Variants in FAM184A observed in about 807,000 individuals in gnomAD.
The protein encoded by FAM184A is family with sequence similarity 184 member A.
FAM184A carries 99 observed loss-of-function variants against 143.8 expected under a neutral mutation model. That is an observed-to-expected ratio of 0.69 (90% CI 0.58 to 0.81). The LOEUF (loss-of-function observed/expected upper bound fraction) is 0.81. Among genes scored for constraint, FAM184A ranks in the 40% least tolerant of loss-of-function variants. FAM184A has a pLI of 0.00. For missense variants in FAM184A, 1,217 were observed against 1,310.5 expected (o/e 0.93, Z 1.10); for synonymous variants, 427 against 446.4 (o/e 0.96, Z 0.55).
chr6:119,063,359 C>G (rs904071025), intron 1 of FAM184A, among the ~76,000 whole-genome samples: 11 of 152,128 alleles, frequency 7.2e-5, no homozygotes, highest in African/African-American at 2.7e-4. Flanking sequence ...ACGATATATT[C>G]CATATTATTA....
At position 119,036,446 on chromosome 6, in the gene FAM184A, C is replaced by T. The variant is rs1036725976; in HGVS notation, c.160-11633G>A. On this transcript the variant is annotated intron_variant, in intron 1 of 17. Coordinates refer to ENST00000338891, the MANE Select transcript of FAM184A (RefSeq NM_024581.6). The stretch of plus-strand genomic sequence containing the variant: ...GGAAATTGTCTTTAAAGATATATTT[C>T]CTCGCTGTATGATTCTATAATTATT... 3.9e-5 allele frequency among the ~76,000 whole-genome samples: 6 copies of T among 152,136 alleles called. No individual in the cohort carries two copies. In the South Asian group the frequency reaches 1.2e-3, roughly 32 times the overall value.
intron 1 of FAM184A, among the ~76,000 whole-genome samples, chr6:119,136,492 G>T (rs1789670639): frequency 6.6e-6 from 1 of 152,116 alleles, no homozygotes; most frequent in Non-Finnish European, 1.5e-5. Flanking sequence ...ATAGACCCAT[G>T]TGTCACTGAG....
chr6:118,990,068 C>A (rs368230634), intron 9 of FAM184A, among the ~76,000 whole-genome samples: 31 of 152,208 alleles, frequency 2.0e-4, no homozygotes, highest in Admixed American at 1.1e-3. Context: ...CCTCGTGATC[C>A]GCTGGCCTCG....
chr6:118,999,344 T>C (rs746311586), intron 9 of FAM184A, among the ~76,000 whole-genome samples: 1 of 152,186 alleles, frequency 6.6e-6, no homozygotes, highest in African/African-American at 2.4e-5. Flanking sequence ...CAACATGTTA[T>C]TCTCTTTTCC....
intron 14 of FAM184A, among the ~76,000 whole-genome samples, chr6:118,970,008 A>ATATATATAAAATATATATATATTTTTTTT: frequency 1.0e-4 from 2 of 19,054 alleles, no homozygotes; most frequent in African/African-American, 3.1e-4. Flanking sequence ...ATATATATAT[A>ATATATATAAAATATATATATATTTTTTTT]TTTTTTTTTT....
At chr6:119,037,208 A>AT (rs1786147775) in intron 1 of FAM184A, among the ~76,000 whole-genome samples, 1 of 152,178 alleles carries the variant, frequency 6.6e-6, no homozygotes, top group South Asian at 2.1e-4. Flanking sequence ...TCTAAGACAG[A>AT]TTTTTTTCTT....
intron 1 of FAM184A, among the ~76,000 whole-genome samples, chr6:119,063,457 T>C (rs1787333074): frequency 6.6e-6 from 1 of 152,230 alleles, no homozygotes; most frequent in Non-Finnish European, 1.5e-5. Flanking sequence ...GGTTTCTATC[T>C]TGATATATGC....
chr6:119,144,327 C>T (rs808032), intron 1 of FAM184A, among the ~76,000 whole-genome samples: 19,513 of 143,440 alleles, frequency 0.14, 1,743 homozygotes, highest in African/African-American at 0.26. Context: ...GAACGAGACT[C>T]TGACTCAAAA....
At chr6:119,020,703 C>G (rs957927864) in intron 3 of FAM184A, among the ~76,000 whole-genome samples, 1 of 152,118 alleles carries the variant, frequency 6.6e-6, no homozygotes, top group Non-Finnish European at 1.5e-5. Context: ...AGATAAAGAC[C>G]TAAAGTGGAG....
Position 119,129,477 on chromosome 6 carries a change from A to G in FAM184A, c.-202+19601T>C, listed in dbSNP as rs184327980. Among the ~76,000 whole-genome samples, 246 of 152,292 alleles carry G rather than the reference A, an allele frequency of 1.6e-3. 3 individuals are homozygous for G. Among genetic ancestry groups the G allele is most frequent in the African/African-American group, 5.5e-3 (230 of 41,570 alleles). The stretch of plus-strand genomic sequence containing the variant: ...TGTTGCCTTTTTCTGAAAGCGTCTC[A>G]TAATTAGTCTTTACATGTGTTTCAA... On this transcript the variant is annotated intron_variant, in intron 1 of 16. Coordinates refer to the FAM184A transcript ENST00000352896.
At chr6:118,975,819 G>A in intron 12 of FAM184A, 98 bp downstream of exon 12, 1 of 1,143,386 alleles carries the variant, frequency 8.7e-7, no homozygotes, top group Non-Finnish European at 1.2e-6. Flanking sequence ...GTGATAACTA[G>A]TGAAAATAAG....
At chr6:119,135,765 T>G (rs994323867) in intron 1 of FAM184A, among the ~76,000 whole-genome samples, 2 of 152,336 alleles carry the variant, frequency 1.3e-5, no homozygotes, top group African/African-American at 4.8e-5. Flanking sequence ...AGATCCATAC[T>G]TCACGCAAAA....
chr6:119,130,477 T>C (rs1184425523), intron 1 of FAM184A, among the ~76,000 whole-genome samples: 4 of 152,156 alleles, frequency 2.6e-5, no homozygotes, highest in African/African-American at 9.7e-5. Context: ...AGAGAGGCCA[T>C]AGAGATTGTC....
intron 1 of FAM184A, among the ~76,000 whole-genome samples, chr6:119,035,378 T>G (rs560698894): frequency 6.6e-6 from 1 of 152,308 alleles, no homozygotes; most frequent in East Asian, 1.9e-4. Context: ...ATTTTAAGAC[T>G]GATGAACCAG....
At chr6:119,011,051 G>A (rs1785072501) in intron 6 of FAM184A, 1 of 316,664 alleles carries the variant, frequency 3.2e-6, no homozygotes, top group South Asian at 4.9e-5. Flanking sequence ...ACTCTCTCTT[G>A]TTCTTTTCCT....
intron 1 of FAM184A, among the ~76,000 whole-genome samples, chr6:119,092,501 T>C (rs942128776): frequency 2.6e-5 from 4 of 152,218 alleles, no homozygotes; most frequent in African/African-American, 9.6e-5. Flanking sequence ...TATTTCAATA[T>C]GTATATACAA....
chr6:118,999,791 A>C (rs1784689916), intron 9 of FAM184A, among the ~76,000 whole-genome samples: 1 of 152,228 alleles, frequency 6.6e-6, no homozygotes, highest in Non-Finnish European at 1.5e-5. Context: ...GCAAGTCATC[A>C]ACATGATGTC....
rs918883919 is a variant in FAM184A at position 119,006,473 on chromosome 6, T to A, written c.1789A>T (p.Thr597Ser). The A allele has an allele frequency of 6.2e-7, 1 of 1,612,452 alleles. No individual in the cohort carries two copies. The change falls in exon 7 of 18, where the codon ACC (threonine) becomes TCC (serine). Residue 597 changes from threonine to serine, a missense_variant. By Grantham distance (58) the Thr-to-Ser change is moderately conservative. Coordinates refer to ENST00000338891, the MANE Select transcript of FAM184A (RefSeq NM_024581.6). ...LDLTKDSLKETKDALLNVEGE... is the reference protein window; with the variant it reads ...LDLTKDSLKESKDALLNVEGE... ...TCCACATTTAATAGAGCATCCTTGG[T>A]CTCCTTTAGGCTGTCTTTAGTCAAG...
At chr6:119,064,536 A>G (rs1233407652) in intron 1 of FAM184A, among the ~76,000 whole-genome samples, 3 of 152,146 alleles carry the variant, frequency 2.0e-5, no homozygotes, top group Non-Finnish European at 4.4e-5. Context: ...TCTCATCTCC[A>G]CACAAACACA....
Sources: allele counts gnomAD v4.1 joint callset (sites outside exome capture counted in the v4.1 genomes callset), GRCh38; gene constraint gnomAD v4.1.1; transcripts MANE v1.5; gene names NCBI Gene and HGNC (gene_info 2026-07-23, HGNC 2026-07-21).